SLC35F1: variants seen among roughly 807,000 people sequenced by gnomAD.
SLC35F1 encodes the protein solute carrier family 35 member F1, also known as chromosome 6 open reading frame 169.
Under a neutral mutation model 48.7 loss-of-function variants are expected in SLC35F1, and 14 were observed. That is an observed-to-expected ratio of 0.29 (90% CI 0.19 to 0.45). The LOEUF is 0.45. Ranked by LOEUF, SLC35F1 falls within the 20% of genes least tolerant of loss-of-function variation. The pLI is 1.00. For missense variants in SLC35F1, 404 were observed against 500.0 expected (o/e 0.81, Z 1.83); for synonymous variants, 190 against 202.2 (o/e 0.94, Z 0.51).
intron 1 of SLC35F1, among the ~76,000 whole-genome samples, chr6:117,914,085 C>CCTATCTATCTATCTAT (rs60175681): frequency 2.8e-5 from 4 of 145,150 alleles, no homozygotes; most frequent in East Asian, 2.1e-4. Context: ...ACAAAAGAAT[C>CCTATCTATCTATCTAT]CTATCTATCT....
intron 3 of SLC35F1, among the ~76,000 whole-genome samples, chr6:118,248,824 A>T (rs1484377256): frequency 6.6e-6 from 1 of 152,180 alleles, no homozygotes. Flanking sequence ...CTATAGATTG[A>T]GTGTTTGTGT....
intron 2 of SLC35F1, among the ~76,000 whole-genome samples, chr6:118,211,917 T>A (rs922138846): frequency 1.3e-5 from 2 of 152,256 alleles, no homozygotes; most frequent in African/African-American, 2.4e-5. Context: ...ATAAAAATGC[T>A]ATCATGTGGT....
chr6:117,914,009 C>T (rs1455695368), intron 1 of SLC35F1, among the ~76,000 whole-genome samples: 1 of 152,106 alleles, frequency 6.6e-6, no homozygotes, highest in Non-Finnish European at 1.5e-5. Flanking sequence ...CAAGATCACG[C>T]CACTGCATTC....
chr6:118,087,168 T>C (rs1188337229), intron 1 of SLC35F1, among the ~76,000 whole-genome samples: 1 of 152,142 alleles, frequency 6.6e-6, no homozygotes, highest in Non-Finnish European at 1.5e-5. Context: ...TCAGCAGGAT[T>C]GGTTTCTTTA....
chr6:118,080,454 T>C (rs988354773), intron 1 of SLC35F1, among the ~76,000 whole-genome samples: 24 of 152,326 alleles, frequency 1.6e-4, no homozygotes, highest in African/African-American at 5.8e-4. Context: ...AGTATTGTCA[T>C]GTCAGAACAC....
At chr6:117,954,608 C>G (rs982912338) in intron 1 of SLC35F1, among the ~76,000 whole-genome samples, 1 of 152,100 alleles carries the variant, frequency 6.6e-6, no homozygotes, top group Non-Finnish European at 1.5e-5. Context: ...TAATCTAGAC[C>G]TACAGAATTA....
chr6:118,169,269 T>A (rs553105119), intron 2 of SLC35F1, among the ~76,000 whole-genome samples: 1 of 152,236 alleles, frequency 6.6e-6, no homozygotes, highest in East Asian at 1.9e-4. Context: ...ATACCAAAAT[T>A]TATGAGCAAA....
chr6:118,248,786 G>A (rs2114600488), intron 3 of SLC35F1, among the ~76,000 whole-genome samples: 1 of 152,308 alleles, frequency 6.6e-6, no homozygotes, highest in African/African-American at 2.4e-5. Context: ...AATACAGTTG[G>A]AGACAATATC....
intron 2 of SLC35F1, among the ~76,000 whole-genome samples, chr6:118,208,258 C>T (rs1169716640): frequency 6.6e-6 from 1 of 152,154 alleles, no homozygotes; most frequent in Non-Finnish European, 1.5e-5. Context: ...CCAGTGGGTA[C>T]CCTCCACTTA....
At chr6:118,203,691 A>G (rs1461973442) in intron 2 of SLC35F1, among the ~76,000 whole-genome samples, 1 of 152,184 alleles carries the variant, frequency 6.6e-6, no homozygotes, top group African/African-American at 2.4e-5. Flanking sequence ...ACCAGAGGAG[A>G]AAAAAACTGC....
At chr6:118,134,597 G>A (rs1773765982) in intron 1 of SLC35F1, among the ~76,000 whole-genome samples, 2 of 152,328 alleles carry the variant, frequency 1.3e-5, no homozygotes, top group Admixed American at 1.3e-4. Flanking sequence ...TTGCGGCAGA[G>A]ACCTAAACCA....
At chr6:118,148,920 G>C (rs557130153) in intron 1 of SLC35F1, among the ~76,000 whole-genome samples, 3 of 152,184 alleles carry the variant, frequency 2.0e-5, no homozygotes, top group Admixed American at 2.0e-4. Context: ...TTCAGAGCTA[G>C]TAGTTTTTCA....
chr6:118,245,829 C>T (rs1422320034), intron 3 of SLC35F1, among the ~76,000 whole-genome samples: 1 of 152,238 alleles, frequency 6.6e-6, no homozygotes, highest in South Asian at 2.1e-4. Flanking sequence ...TTCTGCCTCC[C>T]AAAAAACCTG....
intron 2 of SLC35F1, among the ~76,000 whole-genome samples, chr6:118,216,353 G>A (rs574947158): frequency 2.6e-5 from 4 of 151,266 alleles, no homozygotes; most frequent in Non-Finnish European, 4.4e-5. Flanking sequence ...CACAGCACCC[G>A]GCCAAGATCA....
intron 1 of SLC35F1, among the ~76,000 whole-genome samples, chr6:118,056,725 A>G (rs1241133672): frequency 6.6e-6 from 1 of 152,158 alleles, no homozygotes; most frequent in Non-Finnish European, 1.5e-5. Context: ...GAACAGAAAA[A>G]TCAGTTGTCT....
intron 1 of SLC35F1, among the ~76,000 whole-genome samples, chr6:117,944,193 T>C (rs1326522721): frequency 2.0e-5 from 3 of 152,226 alleles, no homozygotes; most frequent in Non-Finnish European, 4.4e-5. Context: ...TTATGGAGAA[T>C]TATTTCTATA....
At chr6:118,203,608 A>G (rs1377914458) in intron 2 of SLC35F1, among the ~76,000 whole-genome samples, 1 of 152,232 alleles carries the variant, frequency 6.6e-6, no homozygotes, top group African/African-American at 2.4e-5. Flanking sequence ...TTGGAGGGAA[A>G]GGAACCATGC....
intron 2 of SLC35F1, among the ~76,000 whole-genome samples, chr6:118,221,616 A>G (rs545648820): frequency 2.3e-4 from 35 of 152,206 alleles, no homozygotes; most frequent in Non-Finnish European, 4.6e-4. Flanking sequence ...CTCCCTTTAC[A>G]ATGGAATTCT....
chr6:118,095,847 G>A (rs531813775), intron 1 of SLC35F1, among the ~76,000 whole-genome samples: 2 of 152,264 alleles, frequency 1.3e-5, no homozygotes, highest in East Asian at 3.9e-4. Context: ...GAAAGGCCAG[G>A]AGTGGTGGAA....
Sources: allele counts gnomAD v4.1 joint callset (sites outside exome capture counted in the v4.1 genomes callset), GRCh38; gene constraint gnomAD v4.1.1; transcripts MANE v1.5; gene names NCBI Gene and HGNC (gene_info 2026-07-23, HGNC 2026-07-21).